SCML4: variants seen among roughly 807,000 people sequenced by gnomAD.
The protein encoded by SCML4 is sex comb on midleg-like protein 4.
In SCML4, 34 loss-of-function variants were observed where a neutral mutation model predicts 41.1. That is an observed-to-expected ratio of 0.83 (90% confidence interval 0.63 to 1.10). The LOEUF is 1.10. SCML4 is among the 50% of genes least tolerant of loss of function. The probability of loss-of-function intolerance (pLI) is 0.00; values close to 1 mark genes in which losing one functional copy is unlikely to be tolerated. For missense variants in SCML4, 522 were observed against 534.1 expected (o/e 0.98, Z 0.22); for synonymous variants, 214 against 220.9 (o/e 0.97, Z 0.28).
chr6:107,763,431 G>C (rs1779776034), intron 2 of SCML4, among the ~76,000 whole-genome samples: 1 of 150,138 alleles, frequency 6.7e-6, no homozygotes, highest in African/African-American at 2.5e-5. Flanking sequence ...CTGTCATCCA[G>C]GTTGGAGTGC....
intron 1 of SCML4, among the ~76,000 whole-genome samples, chr6:107,780,206 G>A (rs1442302214): frequency 6.6e-6 from 1 of 152,078 alleles, no homozygotes; most frequent in Non-Finnish European, 1.5e-5. Flanking sequence ...CAATATAATA[G>A]AATGCCTTTG....
At chr6:107,802,592 A>G (rs866203222) in intron 1 of SCML4, among the ~76,000 whole-genome samples, 1 of 123,216 alleles carries the variant, frequency 8.1e-6, no homozygotes, top group East Asian at 2.6e-4. Context: ...GGAAGGAAGG[A>G]AGGAAGGAAG....
the SCML4 span, among the ~76,000 whole-genome samples, chr6:107,836,078 C>A: frequency 6.6e-6 from 1 of 151,664 alleles, no homozygotes; most frequent in Non-Finnish European, 1.5e-5. Context: ...ATCTAAAGTA[C>A]ATTTTGATGG....
chr6:107,844,077 T>C, the SCML4 span, among the ~76,000 whole-genome samples: 3 of 152,066 alleles, frequency 2.0e-5, no homozygotes, highest in Non-Finnish European at 4.4e-5. Flanking sequence ...CAGAACAAAA[T>C]GAGTATGTGC....
chr6:107,708,761 A>G (rs1773939741), intron 6 of SCML4, among the ~76,000 whole-genome samples: 1 of 152,214 alleles, frequency 6.6e-6, no homozygotes, highest in South Asian at 2.1e-4. Context: ...TTCCTGGGAA[A>G]TGGTTGCATA....
intron 5 of SCML4, among the ~76,000 whole-genome samples, chr6:107,723,261 C>T (rs1459136804): frequency 6.6e-6 from 1 of 152,142 alleles, no homozygotes; most frequent in African/African-American, 2.4e-5. Context: ...ACATACTCTA[C>T]CACACATTAT....
At chr6:107,810,501 A>T (rs1370695045) in intron 1 of SCML4, among the ~76,000 whole-genome samples, 1 of 152,122 alleles carries the variant, frequency 6.6e-6, no homozygotes, top group Non-Finnish European at 1.5e-5. Context: ...TTTAAAAGGG[A>T]TCTGGAGACA....
intron 1 of SCML4, among the ~76,000 whole-genome samples, chr6:107,820,210 C>A (rs1784845003): frequency 6.6e-6 from 1 of 152,244 alleles, no homozygotes; most frequent in East Asian, 1.9e-4. Context: ...AAGCAGGAGC[C>A]CAGCAATGCT....
chr6:107,785,718 A>G (rs976584203), intron 1 of SCML4, among the ~76,000 whole-genome samples: 7 of 152,200 alleles, frequency 4.6e-5, no homozygotes, highest in Non-Finnish European at 1.0e-4. Context: ...GAAGTTAAAT[A>G]GCTAGTAAGG....
chr6:107,705,356 C>T, intron 7 of SCML4, 31 bp from the exon 8 acceptor site: 1 of 1,549,222 alleles, frequency 6.5e-7, no homozygotes, highest in East Asian at 2.4e-5. Flanking sequence ...GAAAGATAAA[C>T]CCAGAAGATG....
intron 6 of SCML4, among the ~76,000 whole-genome samples, chr6:107,710,032 C>G (rs1314797488): frequency 1.3e-5 from 2 of 152,278 alleles, no homozygotes; most frequent in Middle Eastern, 3.4e-3. Flanking sequence ...ATTCCTACAT[C>G]TTTATTTGTT....
At chr6:107,791,068 TAAA>T (rs71274314) in intron 1 of SCML4, among the ~76,000 whole-genome samples, 13 of 130,498 alleles carry the variant, frequency 1.0e-4, no homozygotes, top group African/African-American at 2.3e-4. Context: ...AGACTCCGTC[TAAA>T]AAAAAAAAAA....
intron 1 of SCML4, among the ~76,000 whole-genome samples, chr6:107,809,979 C>T (rs1784040060): frequency 2.0e-5 from 3 of 152,140 alleles, no homozygotes; most frequent in Admixed American, 2.0e-4. Context: ...CTCTGAAAAA[C>T]CTGTGGGCGT....
intron 7 of SCML4, among the ~76,000 whole-genome samples, chr6:107,707,302 C>T (rs1261599832): frequency 1.3e-5 from 2 of 152,050 alleles, no homozygotes; most frequent in Non-Finnish European, 2.9e-5. Flanking sequence ...AATGAGACTC[C>T]GTCTCAAACA....
chr6:107,727,463 A>G (rs1776101671), intron 5 of SCML4, among the ~76,000 whole-genome samples: 1 of 152,274 alleles, frequency 6.6e-6, no homozygotes, highest in Non-Finnish European at 1.5e-5. Flanking sequence ...AGTGCTTTTC[A>G]GATGAGGCTA....
chr6:107,749,624 T>C (rs1778430308), intron 3 of SCML4, 60 bp downstream of exon 3: 5 of 1,580,094 alleles, frequency 3.2e-6, no homozygotes, highest in East Asian at 4.5e-5. Context: ...AACAATTAGA[T>C]GGTAGCTGCC....
intron 2 of SCML4, among the ~76,000 whole-genome samples, chr6:107,752,746 A>T (rs756431446): frequency 5.3e-5 from 8 of 152,192 alleles, no homozygotes; most frequent in Non-Finnish European, 1.2e-4. Context: ...TTGAATTGGG[A>T]TAAGAATAAA....
intron 2 of SCML4, among the ~76,000 whole-genome samples, chr6:107,761,335 T>G (rs1779571458): frequency 6.6e-6 from 1 of 152,006 alleles, no homozygotes; most frequent in South Asian, 2.1e-4. Flanking sequence ...GAGAAAAATC[T>G]TAAAATTAAA....
chr6:107,772,306 C>A lies in SCML4; in HGVS notation c.22G>T (p.Gly8Trp). ...AGTGAGGGTCGGCCTCGCTTTCTCC[C>A]CGGGATCCTTTGAGACTGCATTTCT... is the stretch of plus-strand genomic sequence containing the variant. MQSQRIP[G>W]RKRGRPSLHS... The change falls in exon 2 of 8, where the codon GGG becomes TGG. Residue 8 changes from glycine (G) to tryptophan (W), a missense_variant. Coordinates refer to ENST00000369020, the MANE Select transcript of SCML4 (RefSeq NM_198081.5). 1 of 1,551,246 alleles carries A rather than the reference C, an allele frequency of 6.4e-7. No individual in the cohort carries two copies. The highest frequency in any genetic ancestry group is 8.7e-7 in the Non-Finnish European group (1 of 1,146,792).
Sources: gnomAD v4.1 joint callset for allele counts (sites outside exome capture counted in the v4.1 genomes callset) on GRCh38, gnomAD v4.1.1 for gene constraint, MANE v1.5 for transcripts, NCBI Gene and HGNC (gene_info 2026-07-23, HGNC 2026-07-21) for gene names.